Variants in TRAF2 observed in about 807,000 individuals in gnomAD.
TRAF2 encodes the protein TNF receptor associated factor 2.
A neutral mutation model predicts 55.6 loss-of-function variants in TRAF2; 6 were observed. The ratio of observed to expected loss-of-function variants is 0.11; its 90% CI spans 0.06 to 0.21. The LOEUF (loss-of-function observed/expected upper bound fraction) is 0.21, where lower values mean the gene tolerates loss of function less well. Ranked by LOEUF, TRAF2 falls within the 10% of genes least tolerant of loss-of-function variation. The pLI, the probability that TRAF2 is intolerant of heterozygous loss-of-function variation, is 1.00. For missense variants in TRAF2, 561 were observed against 684.5 expected (o/e 0.82, Z 2.01); for synonymous variants, 329 against 276.3 (o/e 1.19, Z -1.89).
chr9:136,921,151 C>T lies in TRAF2; in HGVS notation c.1074C>T (p.Ile358=). 4 of 1,614,060 alleles carry T rather than the reference C, an allele frequency of 2.5e-6. No homozygotes were observed. In the South Asian group the frequency reaches 4.4e-5, roughly 18 times the overall value. The change falls in exon 9 of 11, where the codon ATC becomes ATT. Residue 358 remains isoleucine, a synonymous_variant. Transcript: ENST00000247668. The part of the protein sequence containing the change: ...STYDGVFIWK[I]SDFARKRQEA... ...ACGATGGGGTCTTCATCTGGAAGAT[C>T]TCAGACTTCGCCAGGAAGCGCCAGG...
chr9:136,885,699 C>A (rs1849431520), upstream of TRAF2, among the ~76,000 whole-genome samples: 1 of 151,914 alleles, frequency 6.6e-6, no homozygotes, highest in Admixed American at 6.6e-5. Flanking sequence ...ACCCGGGAGG[C>A]GGAGGTTGCA....
chr9:136,910,483 G>C (rs1210989552), intron 6 of TRAF2, among the ~76,000 whole-genome samples: 2 of 152,240 alleles, frequency 1.3e-5, no homozygotes, highest in Non-Finnish European at 2.9e-5. Flanking sequence ...TTCTCTCCCA[G>C]TTGAGAGTTA....
intron 6 of TRAF2, among the ~76,000 whole-genome samples, chr9:136,912,152 C>CTTTTTT (rs1180324647): frequency 5.1e-5 from 3 of 58,302 alleles, no homozygotes; most frequent in South Asian, 7.9e-4. Flanking sequence ...GCGTCTGGCC[C>CTTTTTT]TTTTTTTTTT....
rs1554779601 is a variant in TRAF2, at chr9:136,900,645, C to T, written c.366+125C>T. ...ACTGGGGCTGAAGCCTGTCTGATGT[C>T]TGTGGAGGAAGAGACGGAGCTGCTC... On this transcript the variant is annotated intron_variant, in intron 4 of 10. Transcript: ENST00000247668. 47 of 796,580 alleles carry T rather than the reference C, an allele frequency of 5.9e-5. 1 individual carries two copies. In the South Asian group the frequency reaches 6.8e-4, roughly 12 times the overall value. 49.3% of individuals were successfully genotyped at this position (796,580 alleles called of 1,614,324 possible).
chr9:136,885,767 C>CAA (rs71385778), upstream of TRAF2, among the ~76,000 whole-genome samples: 1 of 144,322 alleles, frequency 6.9e-6, no homozygotes, highest in Non-Finnish European at 1.5e-5. Context: ...GCCTCCGTCT[C>CAA]AAAAAAAAAA....
At chr9:136,921,562 G>A (rs1420076352) in intron 9 of TRAF2, among the ~76,000 whole-genome samples, 3 of 152,132 alleles carry the variant, frequency 2.0e-5, no homozygotes, top group Non-Finnish European at 4.4e-5. Context: ...ACAGCTCCCA[G>A]GAAGACAGGG....
chr9:136,911,264 C>CTT (rs34077067), intron 6 of TRAF2, among the ~76,000 whole-genome samples: 17 of 122,542 alleles, frequency 1.4e-4, no homozygotes, highest in African/African-American at 2.8e-4. Flanking sequence ...TCCTTCCCGT[C>CTT]TTTTTTTTTT....
chr9:136,903,866 T>C (rs1849882900), intron 4 of TRAF2, among the ~76,000 whole-genome samples: 1 of 152,132 alleles, frequency 6.6e-6, no homozygotes, highest in Non-Finnish European at 1.5e-5. Flanking sequence ...GTATTTTTAG[T>C]AGAGATGGGG....
intron 6 of TRAF2, among the ~76,000 whole-genome samples, chr9:136,911,264 C>CTTTTTTTTTTTTTTTTTTTT (rs34077067): frequency 6.5e-5 from 8 of 122,540 alleles, no homozygotes; most frequent in African/African-American, 2.2e-4. Flanking sequence ...TCCTTCCCGT[C>CTTTTTTTTTTTTTTTTTTTT]TTTTTTTTTT....
At chr9:136,919,242 C>G (rs7030079) in intron 7 of TRAF2, among the ~76,000 whole-genome samples, 112,539 of 144,622 alleles carry the variant, frequency 0.78, 44,216 homozygotes, top group African/African-American at 0.89. Context: ...TGTAGCTTTA[C>G]TAGAGACAGG....
At chr9:136,883,825 ATT>A (rs766805439), upstream of TRAF2, among the ~76,000 whole-genome samples, 10 of 119,162 alleles carry the variant, frequency 8.4e-5, no homozygotes, top group Admixed American at 8.8e-5. Context: ...CCTTTTGTGT[ATT>A]TTTTTTTTTT....
upstream of TRAF2, chr9:136,886,467 A>AGAGGCGGCG: frequency 1.0e-6 from 1 of 1,004,724 alleles, no homozygotes; most frequent in Non-Finnish European, 1.2e-6. Flanking sequence ...CACGCGGCGG[A>AGAGGCGGCG]GCGGCGGCGG....
At chr9:136,918,356 G>C (rs1423534743) in intron 7 of TRAF2, among the ~76,000 whole-genome samples, 1 of 149,878 alleles carries the variant, frequency 6.7e-6, no homozygotes, top group Non-Finnish European at 1.5e-5. Flanking sequence ...TGCAACCTCT[G>C]CCTCCCGGGT....
rs759491280 is a variant in TRAF2 at position 136,898,822 on chromosome 9, C to T, written c.82C>T (p.Leu28=). The change falls in exon 2 of 11, where the codon CTG becomes TTG. Residue 28 remains leucine (L), a synonymous_variant. Coordinates refer to ENST00000247668, the MANE Select transcript of TRAF2 (RefSeq NM_021138.4). Reference sequence around the variant, plus strand: ...CTCCAAGACCCTCCTGGGGACCAAGCTGGAAGCCAAGTACCTGTGCTCCGC... The same window carrying T: ...CTCCAAGACCCTCCTGGGGACCAAGTTGGAAGCCAAGTACCTGTGCTCCGC... ...GFSKTLLGTK[L]EAKYLCSACR... 8 of 1,613,680 alleles carry T rather than the reference C, an allele frequency of 5.0e-6. No individual in the cohort carries two copies. The highest frequency in any genetic ancestry group is 2.2e-5 in the East Asian group (1 of 44,900).
chr9:136,912,836 A>G (rs1850149054), intron 6 of TRAF2, among the ~76,000 whole-genome samples: 4 of 151,804 alleles, frequency 2.6e-5, no homozygotes, highest in South Asian at 4.2e-4. Context: ...GAGCCTGTCT[A>G]AAAAAACAAG....
chr9:136,882,668 AAGG>A, upstream of TRAF2: 1 of 985,606 alleles, frequency 1.0e-6, no homozygotes, highest in Non-Finnish European at 1.2e-6. Flanking sequence ...TTTCGGCAGG[AAGG>A]AGCCCACGTG....
chr9:136,924,234 C>CT (rs1850466725), intron 10 of TRAF2, among the ~76,000 whole-genome samples: 1 of 152,186 alleles, frequency 6.6e-6, no homozygotes, highest in Admixed American at 6.5e-5. Flanking sequence ...GCTTCCTGAC[C>CT]TGTCAGATAA....
chr9:136,910,292 C>T lies in TRAF2; in HGVS notation c.603+298C>T, dbSNP rs560196303. Among the ~76,000 whole-genome samples, 5 of 152,318 alleles carry T rather than the reference C, an allele frequency of 3.3e-5. No homozygotes were observed. In the South Asian group the frequency reaches 6.2e-4, roughly 19 times the overall value. On this transcript the variant is annotated intron_variant, in intron 6 of 10. Coordinates refer to ENST00000247668, the MANE Select transcript of TRAF2 (RefSeq NM_021138.4). ...GAAAATGAAACATTAAAGTTCTCAT[C>T]GCCCTCCATGTGCTGCTTATGAGAA...
chr9:136,925,630 A>G (rs1850511823), intron 10 of TRAF2, 53 bp from the exon 11 acceptor site: 1 of 1,579,720 alleles, frequency 6.3e-7, no homozygotes, highest in Non-Finnish European at 8.7e-7. Context: ...CTCGGGAGCC[A>G]GAGAGAGACG....
Sources: gnomAD v4.1 joint callset for allele counts (sites outside exome capture counted in the v4.1 genomes callset) on GRCh38, gnomAD v4.1.1 for gene constraint, MANE v1.5 for transcripts, NCBI Gene and HGNC (gene_info 2026-07-23, HGNC 2026-07-21) for gene names.